Variants in SOX6 observed in about 807,000 individuals in gnomAD.
SOX6 encodes transcription factor SOX-6.
In SOX6, 11 loss-of-function variants were observed where a neutral mutation model predicts 97.8. The observed-to-expected ratio is 0.11, with a 90% CI of 0.07 to 0.19. The LOEUF is 0.19. Ranked by LOEUF, SOX6 falls within the 10% of genes least tolerant of loss-of-function variation. The probability of loss-of-function intolerance (pLI) is 1.00; values close to 1 mark genes in which losing one functional copy is unlikely to be tolerated. For missense variants in SOX6, 810 were observed against 1,039.5 expected (o/e 0.78, Z 3.04); for synonymous variants, 360 against 371.4 (o/e 0.97, Z 0.35).
At position 16,627,101 on chromosome 11, in the gene SOX6, G is replaced by A. The variant is rs181742839; in HGVS notation, n.430-14841C>T. On this transcript the variant is annotated intron_variant and non_coding_transcript_variant, in intron 3 of 5. Transcript: ENST00000524520. ...TGGTTTTCTATTCCTGTGTTAATTC[G>A]CTTAGGATAATGACCTCCAGCTACA... Among the ~76,000 whole-genome samples the A allele has an allele frequency of 4.1e-4, 63 of 152,222 alleles. 2 individuals carry two copies. Among genetic ancestry groups the A allele is most frequent in the African/African-American group, 1.4e-3 (59 of 41,538 alleles).
intron 6 of SOX6, among the ~76,000 whole-genome samples, chr11:16,128,343 G>A (rs1391454889): frequency 2.0e-5 from 3 of 152,110 alleles, no homozygotes; most frequent in African/African-American, 7.2e-5. Flanking sequence ...TGCCATGTTT[G>A]ACATATACAC....
rs138617020 is a variant in SOX6, at chr11:16,071,278, G to A, written c.1102-15377C>T. 3.3e-5 allele frequency among the ~76,000 whole-genome samples: 5 copies of A among 152,242 alleles called. No individual in the cohort carries two copies. The East Asian group carries it at 9.7e-4, about 30-fold the overall frequency. Reference sequence around the variant, plus strand: ...GTCCCAGGAAACACCCAGACAGCAGGGCAGGCAACTTTACCAAACCCCTCC... The same window carrying A: ...GTCCCAGGAAACACCCAGACAGCAGAGCAGGCAACTTTACCAAACCCCTCC... On this transcript the variant is annotated intron_variant, in intron 9 of 15. Transcript: ENST00000683767.
At chr11:16,213,336 T>C (rs1852279777) in intron 4 of SOX6, among the ~76,000 whole-genome samples, 1 of 152,188 alleles carries the variant, frequency 6.6e-6, no homozygotes, top group African/African-American at 2.4e-5. Flanking sequence ...TCTTCTTTAG[T>C]ATTTTCCTTA....
chr11:16,195,940 G>A (rs1298830367), intron 4 of SOX6, among the ~76,000 whole-genome samples: 2 of 152,200 alleles, frequency 1.3e-5, no homozygotes, highest in Non-Finnish European at 2.9e-5. Flanking sequence ...AGTCTAGGAA[G>A]TGAGTCTAGC....
chr11:16,001,144 C>T (rs535194264), intron 13 of SOX6, among the ~76,000 whole-genome samples: 5 of 152,132 alleles, frequency 3.3e-5, no homozygotes, highest in South Asian at 4.1e-4. Flanking sequence ...GGATTACAGA[C>T]GTGAGCCACT....
chr11:16,649,887 G>A (rs1227267115), intron 3 of SOX6, among the ~76,000 whole-genome samples: 1 of 152,028 alleles, frequency 6.6e-6, no homozygotes, highest in African/African-American at 2.4e-5. Flanking sequence ...GTCTTCAAGA[G>A]ACTCACCCAA....
intron 12 of SOX6, among the ~76,000 whole-genome samples, chr11:16,018,598 T>C (rs1270995399): frequency 6.6e-6 from 1 of 151,978 alleles, no homozygotes; most frequent in African/African-American, 2.4e-5. Flanking sequence ...TATATTTTAA[T>C]AAAATTTTAT....
chr11:16,542,323 G>A (rs1565176292), intron 4 of SOX6, among the ~76,000 whole-genome samples: 2 of 152,070 alleles, frequency 1.3e-5, no homozygotes, highest in Non-Finnish European at 2.9e-5. Context: ...GGGAATGGGG[G>A]GCTTGGGGAA....
chr11:16,615,311 T>TGA (rs1362205285), intron 3 of SOX6, among the ~76,000 whole-genome samples: 1 of 152,238 alleles, frequency 6.6e-6, no homozygotes, highest in African/African-American at 2.4e-5. Flanking sequence ...TACAATGTCC[T>TGA]GAGAGCCTTA....
intron 3 of SOX6, among the ~76,000 whole-genome samples, chr11:16,620,313 A>C (rs1479938122): frequency 6.6e-6 from 1 of 152,238 alleles, no homozygotes; most frequent in African/African-American, 2.4e-5. Flanking sequence ...ATTAACGTTT[A>C]AGAAATGATT....
chr11:16,086,901 A>G (rs548098951), intron 9 of SOX6, among the ~76,000 whole-genome samples: 1 of 152,334 alleles, frequency 6.6e-6, no homozygotes, highest in African/African-American at 2.4e-5. Flanking sequence ...TTTCTCTTTT[A>G]TAATTTAATT....
At chr11:16,174,559 G>T (rs1851131799) in intron 6 of SOX6, among the ~76,000 whole-genome samples, 1 of 151,772 alleles carries the variant, frequency 6.6e-6, no homozygotes, top group Non-Finnish European at 1.5e-5. Flanking sequence ...GCATTTAAAA[G>T]ATATTTCCCT....
chr11:16,258,942 T>G (rs551231504), intron 3 of SOX6, among the ~76,000 whole-genome samples: 23 of 151,744 alleles, frequency 1.5e-4, no homozygotes, highest in Admixed American at 4.6e-4. Flanking sequence ...ATAGAAACTC[T>G]CTGTACTTTG....
At chr11:16,177,965 G>C (rs1452629437) in intron 6 of SOX6, among the ~76,000 whole-genome samples, 2 of 151,914 alleles carry the variant, frequency 1.3e-5, no homozygotes, top group Non-Finnish European at 2.9e-5. Flanking sequence ...CAGTCTAAGA[G>C]ATAAGCACAG....
intron 4 of SOX6, among the ~76,000 whole-genome samples, chr11:16,199,612 T>C (rs1851879556): frequency 6.6e-6 from 1 of 152,212 alleles, no homozygotes; most frequent in Non-Finnish European, 1.5e-5. Flanking sequence ...TCTTCCTGCA[T>C]TTTAAAACAT....
intron 3 of SOX6, among the ~76,000 whole-genome samples, chr11:16,645,834 C>T (rs963043318): frequency 2.0e-5 from 3 of 152,118 alleles, no homozygotes; most frequent in Non-Finnish European, 4.4e-5. Flanking sequence ...GAATAAAATT[C>T]TGTTGTTTTA....
chr11:16,044,569 C>T (rs1855770590), intron 12 of SOX6, among the ~76,000 whole-genome samples: 1 of 152,102 alleles, frequency 6.6e-6, no homozygotes, highest in Non-Finnish European at 1.5e-5. Context: ...TATAAGAAAG[C>T]CAAAGCTACC....
chr11:16,725,581 G>T (rs1454273465), intron 2 of SOX6, among the ~76,000 whole-genome samples: 1 of 152,130 alleles, frequency 6.6e-6, no homozygotes, highest in African/African-American at 2.4e-5. Context: ...ATATGAAATG[G>T]CTAGAAGAGG....
chr11:16,540,286 A>T (rs1194652134), intron 4 of SOX6, among the ~76,000 whole-genome samples: 1 of 152,024 alleles, frequency 6.6e-6, no homozygotes, highest in African/African-American at 2.4e-5. Context: ...CATGCTAAAA[A>T]CTCTCAATAA....
Sources: allele counts gnomAD v4.1 joint callset (sites outside exome capture counted in the v4.1 genomes callset), GRCh38; gene constraint gnomAD v4.1.1; transcripts MANE v1.5; gene names NCBI Gene and HGNC (gene_info 2026-07-23, HGNC 2026-07-21).